The following PCAT7 variants were observed in gnomAD, a reference collection of about 807,000 sequenced individuals.
PCAT7 encodes the protein prostate cancer associated transcript 7.
intron 2 of PCAT7, among the ~76,000 whole-genome samples, chr9:94,565,525 A>C (rs1262192267): frequency 6.6e-6 from 1 of 152,218 alleles, no homozygotes; most frequent in Non-Finnish European, 1.5e-5. Flanking sequence ...ATTAAGTCAT[A>C]AAATCAAAAC....
intron 1 of PCAT7, chr9:94,558,791 C>T (rs551348711): frequency 3.3e-5 from 24 of 728,354 alleles, no homozygotes; most frequent in Non-Finnish European, 5.1e-5. Flanking sequence ...CCAAACCTGT[C>T]GTAAGCAGTT....
Position 94,573,597 on chromosome 9 carries a change from C to A in PCAT7, n.512+548C>A, listed in dbSNP as rs540276837. On this transcript the variant is annotated intron_variant and non_coding_transcript_variant, in intron 3 of 8. Transcript: ENST00000647389. ...CAATAGATACGATTATGTGATTTTT[C>A]TTCTTTAGCCTGTTGATATGGTGGA... Among the ~76,000 whole-genome samples, 6 of 152,194 alleles carry A rather than the reference C, an allele frequency of 3.9e-5. No homozygotes were observed. In the East Asian group the frequency reaches 1.2e-3, roughly 29 times the overall value.
At chr9:94,559,121 C>A (rs1342915155) in exon 2 of PCAT7, 3 of 1,611,620 alleles carry the variant, frequency 1.9e-6, no homozygotes, top group Non-Finnish European at 2.5e-6. Context: ...TGCATTCATA[C>A]AGGAGCCGGA....
intron 3 of PCAT7, among the ~76,000 whole-genome samples, chr9:94,573,284 G>A (rs1489704378): frequency 1.3e-5 from 2 of 152,134 alleles, no homozygotes; most frequent in Non-Finnish European, 2.9e-5. Flanking sequence ...TCAGAGACAG[G>A]GTCTTGCTCT....
intron 2 of PCAT7, chr9:94,567,651 GCCCA>G (rs1278139963): frequency 2.2e-6 from 1 of 456,818 alleles, no homozygotes; most frequent in African/African-American, 1.9e-5. Flanking sequence ...TAAGGAAGCA[GCCCA>G]TAGTCTTCTT....
At chr9:94,571,503 G>C in intron 2 of PCAT7, 1 of 1,613,958 alleles carries the variant, frequency 6.2e-7, no homozygotes, top group Non-Finnish European at 8.5e-7. Flanking sequence ...CCTGTGGAGA[G>C]AGCCACCAGG....
intron 2 of PCAT7, among the ~76,000 whole-genome samples, chr9:94,565,861 G>T (rs1354228810): frequency 2.6e-5 from 4 of 152,066 alleles, no homozygotes; most frequent in Non-Finnish European, 5.9e-5. Flanking sequence ...CGTAACTTGG[G>T]GGAGGAGAGC....
chr9:94,569,712 C>G (rs922718143), intron 2 of PCAT7: 1 of 152,242 alleles, frequency 6.6e-6, no homozygotes, highest in Non-Finnish European at 1.5e-5. Context: ...CAAGAAACAA[C>G]AGCTCCCATT....
At chr9:94,574,228 G>T (rs1827295526) in intron 3 of PCAT7, among the ~76,000 whole-genome samples, 1 of 152,076 alleles carries the variant, frequency 6.6e-6, no homozygotes, top group African/African-American at 2.4e-5. Flanking sequence ...AAAATCTTTT[G>T]ATACATATTG....
intron 2 of PCAT7, among the ~76,000 whole-genome samples, chr9:94,559,812 C>T (rs1827067336): frequency 6.6e-6 from 1 of 152,096 alleles, no homozygotes; most frequent in Non-Finnish European, 1.5e-5. Flanking sequence ...CCTAGCTGGT[C>T]ACTGTACTAT....
intron 2 of PCAT7, chr9:94,567,377 C>A: frequency 6.2e-7 from 1 of 1,614,124 alleles, no homozygotes; most frequent in Non-Finnish European, 8.5e-7. Context: ...ATCTTGACAT[C>A]TTTTTCCACC....
At chr9:94,574,196 C>A (rs993941361) in intron 3 of PCAT7, among the ~76,000 whole-genome samples, 1 of 152,056 alleles carries the variant, frequency 6.6e-6, no homozygotes, top group African/African-American at 2.4e-5. Flanking sequence ...AGATAAATTC[C>A]CAATAATTAA....
chr9:94,555,167 C>T (rs1473898965), exon 1 of PCAT7: 1 of 151,920 alleles, frequency 6.6e-6, no homozygotes, highest in Admixed American at 6.6e-5. Context: ...CCGTGTGTTT[C>T]TATTGAGCTG....
chr9:94,559,112 G>C (rs1461216731), exon 2 of PCAT7: 2 of 1,612,488 alleles, frequency 1.2e-6, no homozygotes, highest in South Asian at 2.2e-5. Context: ...CCACGGGATT[G>C]CATTCATACA....
intron 2 of PCAT7, among the ~76,000 whole-genome samples, chr9:94,564,219 A>G (rs934171816): frequency 7.9e-5 from 12 of 152,248 alleles, no homozygotes; most frequent in African/African-American, 2.9e-4. Context: ...TAAAATTGGA[A>G]CACACAATCA....
chr9:94,560,215 C>T (rs1156577724), intron 2 of PCAT7, among the ~76,000 whole-genome samples: 1 of 152,174 alleles, frequency 6.6e-6, no homozygotes, highest in African/African-American at 2.4e-5. Context: ...CAGCCTGTGC[C>T]CTGCTTGCCA....
chr9:94,560,754 A>G (rs143934963), intron 2 of PCAT7, among the ~76,000 whole-genome samples: 298 of 147,824 alleles, frequency 2.0e-3, no homozygotes, highest in African/African-American at 7.1e-3. Flanking sequence ...TATGTTATAT[A>G]TTTATATAAT....
At chr9:94,555,253 C>A (rs928413777) in exon 1 of PCAT7, 1 of 151,814 alleles carries the variant, frequency 6.6e-6, no homozygotes, top group African/African-American at 2.4e-5. Flanking sequence ...GGCACCGTGG[C>A]GCGGCTCGCC....
chr9:94,564,582 T>G (rs981809902), intron 2 of PCAT7, among the ~76,000 whole-genome samples: 6 of 152,204 alleles, frequency 3.9e-5, no homozygotes, highest in African/African-American at 1.4e-4. Context: ...ATGCCACATG[T>G]TCTCACTTAT....
Sources: allele counts gnomAD v4.1 joint callset (sites outside exome capture counted in the v4.1 genomes callset), GRCh38; gene constraint gnomAD v4.1.1; transcripts MANE v1.5; gene names NCBI Gene and HGNC (gene_info 2026-07-23, HGNC 2026-07-21).